The following TNFAIP8 variants were observed in gnomAD, a reference collection of about 807,000 sequenced individuals.
TNFAIP8 encodes TNF alpha induced protein 8.
In TNFAIP8, 7 loss-of-function variants were observed where a neutral mutation model predicts 13.3. The ratio of observed to expected loss-of-function variants is 0.52; its 90% CI spans 0.30 to 0.99. The LOEUF (loss-of-function observed/expected upper bound fraction) is 0.99. Among genes scored for constraint, TNFAIP8 ranks in the 50% least tolerant of loss-of-function variants. The pLI is 0.07. For missense variants in TNFAIP8, 258 were observed against 236.9 expected (o/e 1.09, Z -0.58); for synonymous variants, 94 against 87.6 (o/e 1.07, Z -0.41).
At chr5:119,378,746 A>G (rs1752372804) in intron 1 of TNFAIP8, among the ~76,000 whole-genome samples, 1 of 152,196 alleles carries the variant, frequency 6.6e-6, no homozygotes, top group Non-Finnish European at 1.5e-5. Flanking sequence ...AAAAAAATGA[A>G]AATGCATTTC....
chr5:119,368,402 C>A (rs1271651404), intron 1 of TNFAIP8, among the ~76,000 whole-genome samples: 1 of 147,416 alleles, frequency 6.8e-6, no homozygotes, highest in Non-Finnish European at 1.5e-5. Flanking sequence ...ACTTTCTCTT[C>A]TTTCTTTCAC....
intron 1 of TNFAIP8, among the ~76,000 whole-genome samples, chr5:119,303,966 C>CGGAG (rs1749472395): frequency 6.6e-6 from 1 of 152,114 alleles, no homozygotes; most frequent in African/African-American, 2.4e-5. Context: ...GCCTTTTCTC[C>CGGAG]CTCTGTCTTC....
At chr5:119,300,451 T>G (rs1265908139) in intron 1 of TNFAIP8, among the ~76,000 whole-genome samples, 1 of 152,206 alleles carries the variant, frequency 6.6e-6, no homozygotes, top group African/African-American at 2.4e-5. Flanking sequence ...CAAATGTTAT[T>G]TGTAAAAGCA....
exon 1 of TNFAIP8, chr5:119,268,772 T>A: frequency 4.5e-6 from 3 of 672,268 alleles, no homozygotes; most frequent in Non-Finnish European, 8.1e-6. Context: ...TGCCTCCTTT[T>A]CTCCCGCCGG....
At chr5:119,320,375 GCCTTTTTATCAC>G (rs1750018493) in intron 1 of TNFAIP8, among the ~76,000 whole-genome samples, 1 of 151,970 alleles carries the variant, frequency 6.6e-6, no homozygotes, top group South Asian at 2.1e-4. Context: ...ATCAGAACAT[GCCTTTTTATCAC>G]CCTTCTTAAA....
chr5:119,393,634 A>G lies in TNFAIP8; in HGVS notation c.*253A>G, dbSNP rs1752987696. Reference sequence around the variant, plus strand: ...AGAGATATGTGGTTGGGTAATGCAAATGTAGTTATACAAAGAAAAATACAG... The same window carrying G: ...AGAGATATGTGGTTGGGTAATGCAAGTGTAGTTATACAAAGAAAAATACAG... On this transcript the variant is annotated 3_prime_UTR_variant, in exon 2 of 2. Transcript: ENST00000504771. 1 of 434,800 alleles carries G rather than the reference A, an allele frequency of 2.3e-6. No individual in the cohort carries two copies. Among genetic ancestry groups the G allele is most frequent in the Non-Finnish European group, 4.2e-6 (1 of 239,304 alleles). The allele number at this position is 434,800 out of a possible 1,614,324, so 26.9% of individuals were successfully genotyped here.
At chr5:119,338,722 T>C (rs929032322) in intron 1 of TNFAIP8, among the ~76,000 whole-genome samples, 1 of 152,244 alleles carries the variant, frequency 6.6e-6, no homozygotes, top group African/African-American at 2.4e-5. Context: ...TGGCTTTTAC[T>C]GTACAAGAAA....
At chr5:119,294,754 C>T (rs1483329815) in intron 1 of TNFAIP8, among the ~76,000 whole-genome samples, 1 of 152,118 alleles carries the variant, frequency 6.6e-6, no homozygotes, top group African/African-American at 2.4e-5. Context: ...GAGATGGTAT[C>T]TCATTGTGGT....
intron 1 of TNFAIP8, among the ~76,000 whole-genome samples, chr5:119,302,900 A>T (rs1749440121): frequency 6.6e-6 from 1 of 152,150 alleles, no homozygotes; most frequent in African/African-American, 2.4e-5. Context: ...GAGATTTCCC[A>T]TTCCTGAGTG....
intron 1 of TNFAIP8, among the ~76,000 whole-genome samples, chr5:119,369,855 C>T (rs576753234): frequency 3.6e-4 from 55 of 152,316 alleles, no homozygotes; most frequent in Non-Finnish European, 2.9e-4. Flanking sequence ...ACTGTTCTCA[C>T]GCCTAAAGTC....
chr5:119,283,568 C>A (rs1334646817), intron 1 of TNFAIP8, among the ~76,000 whole-genome samples: 4 of 152,220 alleles, frequency 2.6e-5, no homozygotes, highest in Non-Finnish European at 5.9e-5. Flanking sequence ...AAACTCTTAG[C>A]CTTGGTCACA....
At chr5:119,361,153 G>A (rs1485204988) in intron 1 of TNFAIP8, among the ~76,000 whole-genome samples, 4 of 152,218 alleles carry the variant, frequency 2.6e-5, no homozygotes, top group Non-Finnish European at 5.9e-5. Flanking sequence ...TCTTTCTCTG[G>A]AGCACATTGC....
At chr5:119,384,486 A>G (rs1752599006) in intron 1 of TNFAIP8, among the ~76,000 whole-genome samples, 1 of 152,200 alleles carries the variant, frequency 6.6e-6, no homozygotes, top group African/African-American at 2.4e-5. Context: ...CCATCTTAAA[A>G]AAACATAAAA....
chr5:119,283,844 A>G (rs1430597469), intron 1 of TNFAIP8, among the ~76,000 whole-genome samples: 4 of 152,212 alleles, frequency 2.6e-5, no homozygotes, highest in African/African-American at 9.7e-5. Flanking sequence ...AATCTTCGAG[A>G]CAAATAAGGA....
At chr5:119,330,216 A>T (rs1305783974) in intron 1 of TNFAIP8, among the ~76,000 whole-genome samples, 1 of 152,198 alleles carries the variant, frequency 6.6e-6, no homozygotes, top group Non-Finnish European at 1.5e-5. Context: ...TAATCTTGGC[A>T]GCCATGGCAT....
At chr5:119,316,656 C>T (rs1320671986) in intron 1 of TNFAIP8, among the ~76,000 whole-genome samples, 3 of 152,124 alleles carry the variant, frequency 2.0e-5, no homozygotes, top group Admixed American at 2.0e-4. Flanking sequence ...AATCCAGGTG[C>T]CTCAGGCCTA....
chr5:119,272,823 G>A (rs1421357312), intron 1 of TNFAIP8, among the ~76,000 whole-genome samples: 2 of 152,164 alleles, frequency 1.3e-5, no homozygotes, highest in East Asian at 1.9e-4. Context: ...GCCCTTTTCC[G>A]TATAGGACAA....
chr5:119,297,911 A>G (rs1749229306), intron 1 of TNFAIP8, among the ~76,000 whole-genome samples: 1 of 152,076 alleles, frequency 6.6e-6, no homozygotes, highest in South Asian at 2.1e-4. Flanking sequence ...CTGTTTTATC[A>G]GAGACTAGGA....
At chr5:119,287,565 A>G (rs1357284976) in intron 1 of TNFAIP8, among the ~76,000 whole-genome samples, 1 of 152,114 alleles carries the variant, frequency 6.6e-6, no homozygotes, top group East Asian at 1.9e-4. Context: ...TACTCATCTT[A>G]TAACTGAAGG....
Sources: allele counts gnomAD v4.1 joint callset (sites outside exome capture counted in the v4.1 genomes callset), GRCh38; gene constraint gnomAD v4.1.1; transcripts MANE v1.5; gene names NCBI Gene and HGNC (gene_info 2026-07-23, HGNC 2026-07-21).